LHFPL3: variants seen among roughly 807,000 people sequenced by gnomAD.
The protein encoded by LHFPL3 is LHFPL tetraspan subfamily member 3 protein.
A neutral mutation model predicts 19.3 loss-of-function variants in LHFPL3; 5 were observed. That is an observed-to-expected ratio of 0.26 (90% CI 0.14 to 0.54). The LOEUF is 0.54. Among genes scored for constraint, LHFPL3 ranks in the 20% least tolerant of loss-of-function variants. The pLI, the probability that LHFPL3 is intolerant of heterozygous loss-of-function variation, is 0.94. For missense variants in LHFPL3, 249 were observed against 307.4 expected (o/e 0.81, Z 1.42); for synonymous variants, 133 against 126.2 (o/e 1.05, Z -0.36).
intron 2 of LHFPL3, chr7:104,752,715 C>A (rs906466279): frequency 2.5e-6 from 1 of 393,490 alleles, no homozygotes; most frequent in African/African-American, 2.1e-5. Context: ...ACAAGCTTAC[C>A]GTAAGGCTGA....
intron 1 of LHFPL3, among the ~76,000 whole-genome samples, chr7:104,354,475 G>A (rs928574067): frequency 6.6e-6 from 1 of 152,180 alleles, no homozygotes; most frequent in Non-Finnish European, 1.5e-5. Flanking sequence ...GGCTGCTCCA[G>A]CCCCCACACA....
chr7:104,708,168 T>G (rs2116202480), intron 1 of LHFPL3, among the ~76,000 whole-genome samples: 1 of 152,334 alleles, frequency 6.6e-6, no homozygotes, highest in East Asian at 1.9e-4. Context: ...TTGCCAACTT[T>G]CGCGGTCCAT....
chr7:104,507,653 C>A (rs1266397724), intron 1 of LHFPL3, among the ~76,000 whole-genome samples: 1 of 115,444 alleles, frequency 8.7e-6, no homozygotes, highest in South Asian at 2.8e-4. Context: ...AAAGAAACTA[C>A]CATCAGAGTG....
At chr7:104,409,887 C>G (rs1033369526) in intron 1 of LHFPL3, among the ~76,000 whole-genome samples, 1 of 151,934 alleles carries the variant, frequency 6.6e-6, no homozygotes, top group Non-Finnish European at 1.5e-5. Context: ...GTATCAATTG[C>G]TCTCCTGCCC....
intron 1 of LHFPL3, among the ~76,000 whole-genome samples, chr7:104,602,421 G>A (rs1428297473): frequency 6.6e-6 from 1 of 152,184 alleles, no homozygotes; most frequent in East Asian, 1.9e-4. Flanking sequence ...GCAAGACAAG[G>A]CAACTAGTGG....
At chr7:104,839,478 C>T (rs1223896608) in intron 2 of LHFPL3, among the ~76,000 whole-genome samples, 5 of 151,966 alleles carry the variant, frequency 3.3e-5, no homozygotes, top group African/African-American at 1.2e-4. Flanking sequence ...ACCAGCCTGG[C>T]CAATATGGCA....
chr7:104,409,557 G>T (rs889272357), intron 1 of LHFPL3, among the ~76,000 whole-genome samples: 1 of 151,944 alleles, frequency 6.6e-6, no homozygotes, highest in Admixed American at 6.6e-5. Context: ...TCAAGGCTGC[G>T]GTGAGCTGTG....
intron 1 of LHFPL3, among the ~76,000 whole-genome samples, chr7:104,549,116 A>G (rs757490471): frequency 7.2e-5 from 11 of 152,158 alleles, no homozygotes; most frequent in Non-Finnish European, 1.5e-4. Context: ...GGAACCTGGT[A>G]CGCTGGTGGA....
chr7:104,599,624 A>G (rs1459977851), intron 1 of LHFPL3, among the ~76,000 whole-genome samples: 1 of 152,234 alleles, frequency 6.6e-6, no homozygotes, highest in Non-Finnish European at 1.5e-5. Context: ...AGAATATGAG[A>G]ATGAACCATG....
chr7:104,652,838 T>A (rs1792056323), intron 1 of LHFPL3, among the ~76,000 whole-genome samples: 1 of 149,114 alleles, frequency 6.7e-6, no homozygotes, highest in Non-Finnish European at 1.5e-5. Context: ...TGTGCAGAGG[T>A]GACTGGGCAT....
chr7:104,877,560 C>T (rs1171926083), intron 2 of LHFPL3, among the ~76,000 whole-genome samples: 1 of 152,132 alleles, frequency 6.6e-6, no homozygotes, highest in African/African-American at 2.4e-5. Context: ...CAAATCAAAA[C>T]CACAATGAGA....
At chr7:104,460,067 G>T (rs1792627744) in intron 1 of LHFPL3, among the ~76,000 whole-genome samples, 5 of 151,960 alleles carry the variant, frequency 3.3e-5, no homozygotes, top group Admixed American at 3.3e-4. Flanking sequence ...TGCCCATTGG[G>T]TCTCATCATT....
At chr7:104,472,092 A>T (rs1399277825) in intron 1 of LHFPL3, among the ~76,000 whole-genome samples, 3 of 150,274 alleles carry the variant, frequency 2.0e-5, no homozygotes. Flanking sequence ...TAGGAGGATC[A>T]CTTGAGCCCA....
rs573056158 is a variant in LHFPL3 at position 104,359,131 on chromosome 7, C to T, written c.445+29907C>T. 7.9e-5 allele frequency among the ~76,000 whole-genome samples: 12 copies of T among 152,306 alleles called. No individual in the cohort carries two copies. In the South Asian group the frequency reaches 1.2e-3, roughly 16 times the overall value. Reference sequence around the variant, plus strand: ...CAGCCTGAGAATACCCTTCTATTTACGCCTATGCTTCTTCCTTGTCAACTA... The same window carrying T: ...CAGCCTGAGAATACCCTTCTATTTATGCCTATGCTTCTTCCTTGTCAACTA... On this transcript the variant is annotated intron_variant, in intron 1 of 2. Coordinates refer to ENST00000424859, the MANE Select transcript of LHFPL3 (RefSeq NM_199000.3).
At chr7:104,690,402 C>G (rs944840979) in intron 1 of LHFPL3, among the ~76,000 whole-genome samples, 1 of 152,240 alleles carries the variant, frequency 6.6e-6, no homozygotes, top group Non-Finnish European at 1.5e-5. Context: ...AGGGGTATAT[C>G]AACTCTCCGA....
At chr7:104,494,842 G>A (rs1793427846) in intron 1 of LHFPL3, among the ~76,000 whole-genome samples, 1 of 152,078 alleles carries the variant, frequency 6.6e-6, no homozygotes, top group Non-Finnish European at 1.5e-5. Flanking sequence ...AGCACCATGG[G>A]TGGCCTTCAT....
At chr7:104,682,678 C>A (rs1346807940) in intron 1 of LHFPL3, among the ~76,000 whole-genome samples, 2 of 152,152 alleles carry the variant, frequency 1.3e-5, no homozygotes, top group Non-Finnish European at 2.9e-5. Flanking sequence ...ATAAATGGGG[C>A]CCCTTCCCCT....
At chr7:104,836,165 C>G (rs1265481504) in intron 2 of LHFPL3, among the ~76,000 whole-genome samples, 1 of 152,060 alleles carries the variant, frequency 6.6e-6, no homozygotes, top group Non-Finnish European at 1.5e-5. Flanking sequence ...TGCAATGATC[C>G]TAAGATGGGA....
chr7:104,757,786 C>T (rs772864495), intron 2 of LHFPL3: 1 of 152,160 alleles, frequency 6.6e-6, no homozygotes, highest in Admixed American at 6.5e-5. Flanking sequence ...CTGTGGAAAG[C>T]AGTTTGGAGA....
Sources: gnomAD v4.1 joint callset for allele counts (sites outside exome capture counted in the v4.1 genomes callset) on GRCh38, gnomAD v4.1.1 for gene constraint, MANE v1.5 for transcripts, NCBI Gene and HGNC (gene_info 2026-07-23, HGNC 2026-07-21) for gene names.